PRMT8: variants seen among roughly 807,000 people sequenced by gnomAD.
PRMT8 encodes the protein protein arginine methyltransferase 8.
PRMT8 carries 7 observed loss-of-function variants against 47.1 expected under a neutral mutation model. The observed-to-expected ratio is 0.15, with a 90% CI of 0.08 to 0.28. The LOEUF (loss-of-function observed/expected upper bound fraction) is 0.28, where lower values mean the gene tolerates loss of function less well. Ranked by LOEUF, PRMT8 falls within the 10% of genes least tolerant of loss-of-function variation. PRMT8 has a pLI of 1.00. For synonymous variants in PRMT8, 188 were observed against 186.5 expected, an observed-to-expected ratio of 1.01 and a Z score of -0.07; for missense variants, 237 against 505.4, an observed-to-expected ratio of 0.47 and a Z score of 5.09.
chr12:3,414,005 T>C (rs1012246316), intron 1 of PRMT8, among the ~76,000 whole-genome samples: 4 of 152,182 alleles, frequency 2.6e-5, no homozygotes, highest in African/African-American at 4.8e-5. Flanking sequence ...CTGATTTATG[T>C]ATCGAAAGAC....
At chr12:3,529,299 G>A (rs896640228) in intron 1 of PRMT8, among the ~76,000 whole-genome samples, 17 of 152,120 alleles carry the variant, frequency 1.1e-4, no homozygotes, top group African/African-American at 4.1e-4. Flanking sequence ...TCATTTATTT[G>A]TCATCTCTCA....
intron 1 of PRMT8, among the ~76,000 whole-genome samples, chr12:3,399,467 A>G (rs1316067956): frequency 1.3e-5 from 2 of 152,214 alleles, no homozygotes; most frequent in African/African-American, 4.8e-5. Context: ...AATAACCAGT[A>G]TTCCTCTGCT....
intron 5 of PRMT8, 78 bp downstream of exon 5, chr12:3,568,926 G>A: frequency 6.3e-7 from 1 of 1,576,096 alleles, no homozygotes. Flanking sequence ...AGCCTAGGAG[G>A]CATACGAAGA....
chr12:3,484,988 C>T (rs1013311816), intron 1 of PRMT8, among the ~76,000 whole-genome samples: 7 of 152,166 alleles, frequency 4.6e-5, no homozygotes, highest in African/African-American at 1.7e-4. Context: ...CCAGGCTCTC[C>T]TGCAGGCACA....
At chr12:3,534,327 C>T (rs1440438245) in intron 1 of PRMT8, among the ~76,000 whole-genome samples, 2 of 152,218 alleles carry the variant, frequency 1.3e-5, no homozygotes, top group Non-Finnish European at 2.9e-5. Flanking sequence ...CATTTATAGC[C>T]CAAAGGGCTT....
At chr12:3,454,633 C>G (rs1864954937) in intron 1 of PRMT8, among the ~76,000 whole-genome samples, 1 of 152,060 alleles carries the variant, frequency 6.6e-6, no homozygotes, top group African/African-American at 2.4e-5. Context: ...CACAGCACTC[C>G]CAGTGAAACC....
intron 4 of PRMT8, among the ~76,000 whole-genome samples, chr12:3,559,351 C>A (rs1363672998): frequency 6.6e-6 from 1 of 152,090 alleles, no homozygotes; most frequent in South Asian, 2.1e-4. Context: ...ATTAGTGGAC[C>A]ACAGCATTTA....
chr12:3,491,767 C>T, intron 1 of PRMT8, 67 bp downstream of exon 1: 1 of 1,545,568 alleles, frequency 6.5e-7, no homozygotes, highest in Non-Finnish European at 8.7e-7. Flanking sequence ...GCGCCGCCGC[C>T]GCCGCTCAGC....
At chr12:3,448,471 G>T (rs1302309235) in intron 1 of PRMT8, among the ~76,000 whole-genome samples, 2 of 152,172 alleles carry the variant, frequency 1.3e-5, no homozygotes, top group Non-Finnish European at 2.9e-5. Context: ...AAAATTTAGT[G>T]AGAAGAATGG....
Position 3,552,030 on chromosome 12 carries a change from C to T in PRMT8, c.418-1621C>T, listed in dbSNP as rs1192960064. The T allele has an allele frequency of 6.6e-6, 1 of 152,310 alleles. No homozygotes were observed. The highest frequency in any genetic ancestry group is 1.5e-5 in the Non-Finnish European group (1 of 68,122). 9.4% of individuals were successfully genotyped at this position (152,310 alleles called of 1,614,324 possible). ...ATCACCTGAGGTCAGGAGTTCAAGA[C>T]CAGCCTGGCCAACATGGCGAAACCC... On this transcript the variant is annotated intron_variant, in intron 3 of 9. Transcript: ENST00000382622. The surrounding 1 kb of genome is among the most constrained non-coding windows in gnomAD (Gnocchi z 4.5).
At chr12:3,469,397 C>T (rs1184911612) in intron 1 of PRMT8, 2 of 260,430 alleles carry the variant, frequency 7.7e-6, no homozygotes, top group Non-Finnish European at 1.5e-5. Flanking sequence ...GCAAAAAGAG[C>T]TTCCAGTGCT....
intron 1 of PRMT8, among the ~76,000 whole-genome samples, chr12:3,478,182 A>C (rs1865233897): frequency 6.6e-6 from 1 of 152,216 alleles, no homozygotes; most frequent in Non-Finnish European, 1.5e-5. Context: ...AATGAAAAGG[A>C]GTAGACTGAA....
chr12:3,397,701 G>GAGGC (rs1429176677), intron 1 of PRMT8, among the ~76,000 whole-genome samples: 2 of 152,132 alleles, frequency 1.3e-5, no homozygotes, highest in Non-Finnish European at 1.5e-5. Context: ...GGAGCCTACA[G>GAGGC]AGGCAGGCAG....
At position 3,559,797 on chromosome 12, in the gene PRMT8, C is replaced by T. The variant is rs549731358; in HGVS notation, c.481+6083C>T. Among the ~76,000 whole-genome samples the T allele has an allele frequency of 7.2e-5, 11 of 152,312 alleles. No individual in the cohort carries two copies. In the South Asian group the frequency reaches 1.5e-3, roughly 20 times the overall value. ...CATGGGCACCCTCCTCTGCTTGAGC[C>T]GGGCTGCTGTGGTCCATGCTGACCC... On this transcript the variant is annotated intron_variant, in intron 4 of 9. Coordinates refer to ENST00000382622, the MANE Select transcript of PRMT8 (RefSeq NM_019854.5).
rs568066149 is a variant in PRMT8 at position 3,539,962 on chromosome 12, G to T, written c.76-644G>T. On this transcript the variant is annotated intron_variant, in intron 1 of 9. Coordinates refer to ENST00000382622, the MANE Select transcript of PRMT8 (RefSeq NM_019854.5). ...CTTCTAGCTTGATGCTGCCTGTTGA[G>T]TGGAGAGAAGCCCATGGGTTCACGT... 2.6e-5 allele frequency among the ~76,000 whole-genome samples: 4 copies of T among 152,336 alleles called. No individual in the cohort carries two copies. In the East Asian group the frequency reaches 7.7e-4, roughly 29 times the overall value.
intron 2 of PRMT8, among the ~76,000 whole-genome samples, chr12:3,547,162 A>G (rs1451402801): frequency 6.6e-6 from 1 of 152,242 alleles, no homozygotes; most frequent in Non-Finnish European, 1.5e-5. Flanking sequence ...ATTATACTTA[A>G]TGGATATATT....
intron 1 of PRMT8, among the ~76,000 whole-genome samples, chr12:3,432,658 G>GAA (rs1189917796): frequency 6.6e-6 from 1 of 152,188 alleles, no homozygotes; most frequent in Non-Finnish European, 1.5e-5. Context: ...AGAGGCTGCA[G>GAA]GTCTCGGTGC....
At chr12:3,403,483 G>GA (rs1364811338) in intron 1 of PRMT8, among the ~76,000 whole-genome samples, 3,068 of 111,044 alleles carry the variant, frequency 0.028, 96 homozygotes, top group African/African-American at 0.085. Context: ...AAAAGTTGAA[G>GA]AAAAAAAAAA....
intron 1 of PRMT8, among the ~76,000 whole-genome samples, chr12:3,497,741 T>C (rs139331440): frequency 0.013 from 1,988 of 152,362 alleles, 19 homozygotes; most frequent in Middle Eastern, 0.071. Flanking sequence ...TCACAGTTTT[T>C]CCCATATTTG....
Sources: allele counts gnomAD v4.1 joint callset (sites outside exome capture counted in the v4.1 genomes callset), GRCh38; gene constraint gnomAD v4.1.1; non-coding constraint Gnocchi (gnomAD v3.1); transcripts MANE v1.5; gene names NCBI Gene and HGNC (gene_info 2026-07-23, HGNC 2026-07-21).